The following USB1 variants were observed in gnomAD, a reference collection of about 807,000 sequenced individuals.
USB1 encodes U6 snRNA biogenesis phosphodiesterase 1, also known as U6 snRNA phosphodiesterase 1.
USB1 carries 21 observed loss-of-function variants against 29.9 expected under a neutral mutation model. The ratio of observed to expected loss-of-function variants is 0.70; its 90% CI spans 0.50 to 1.01. USB1 has a LOEUF of 1.01. Ranked by LOEUF, USB1 falls within the 50% of genes least tolerant of loss-of-function variation. USB1 has a pLI of 0.00. For missense variants in USB1, 330 were observed against 347.1 expected (o/e 0.95, Z 0.39); for synonymous variants, 143 against 134.9 (o/e 1.06, Z -0.42).
chr16:58,008,785 C>G (rs1319860092), intron 2 of USB1, among the ~76,000 whole-genome samples: 1 of 152,192 alleles, frequency 6.6e-6, no homozygotes, highest in Admixed American at 6.5e-5. Context: ...GCATTTGATG[C>G]TATAAATATT....
intron 3 of USB1, 48 bp from the exon 4 acceptor site, chr16:58,014,225 G>T: frequency 2.0e-6 from 3 of 1,495,524 alleles, no homozygotes; most frequent in Admixed American, 1.7e-5. Context: ...TATTTTTTCT[G>T]CTTTTTTTCT....
At chr16:58,010,529 G>A (rs1183107213) in intron 3 of USB1, 4 of 280,974 alleles carry the variant, frequency 1.4e-5, no homozygotes, top group Admixed American at 9.9e-5. Flanking sequence ...CCACAAGACT[G>A]CGCTCCTTGT....
In USB1 at chr16:58,013,752, T is replaced by C. The variant is rs765447118; in HGVS notation, c.450-521T>C. 24 of 394,326 alleles carry C rather than the reference T, an allele frequency of 6.1e-5. No individual in the cohort carries two copies. The highest frequency in any genetic ancestry group is 8.4e-5 in the Non-Finnish European group (24 of 287,082). The allele number at this position is 394,326 out of a possible 1,614,324, so 24.4% of individuals were successfully genotyped here. A position where few individuals can be genotyped will look rare whatever the true frequency, so the allele number is the denominator to read the frequency against. On this transcript the variant is annotated intron_variant, in intron 3 of 6. Transcript: ENST00000219281. This position sits in a 1 kb window ranked among gnomAD's most constrained non-coding sequence, Gnocchi z 4.3. ...CAAATTCAGCTTCACCATGCCTCTGTTTCTTTGTCTGTAAAATGGGCATAA... is the reference window on the plus strand; with the variant it reads ...CAAATTCAGCTTCACCATGCCTCTGCTTCTTTGTCTGTAAAATGGGCATAA...
At position 58,010,127 on chromosome 16, in the gene USB1, C is replaced by T. The variant is rs199948448; in HGVS notation, c.449+15C>T. 17 of 1,613,752 alleles carry T rather than the reference C, an allele frequency of 1.1e-5. No individual in the cohort carries two copies. Among genetic ancestry groups the T allele is most frequent in the Admixed American group, 1.7e-5 (1 of 59,986 alleles). Reference sequence around the variant, plus strand: ...TCCTTCCACAGGTGAGTGCTTCTTCCCTCTGCCTCTCCACTCCCTCCCCTC... The same window carrying T: ...TCCTTCCACAGGTGAGTGCTTCTTCTCTCTGCCTCTCCACTCCCTCCCCTC... On this transcript the variant is annotated intron_variant, in intron 3 of 6. Transcript: ENST00000219281.
chr16:58,017,508 C>G (rs1963644643), intron 5 of USB1, 69 bp downstream of exon 5: 3 of 1,455,910 alleles, frequency 2.1e-6, no homozygotes, highest in African/African-American at 2.8e-5. Flanking sequence ...TTTAAAGAAG[C>G]CCTCGTAAGA....
At chr16:58,019,826 G>A (rs4784883) in intron 6 of USB1, among the ~76,000 whole-genome samples, 54 of 152,188 alleles carry the variant, frequency 3.5e-4, no homozygotes, top group Non-Finnish European at 2.4e-4. Flanking sequence ...GCCACCTTGC[G>A]CTTGGCCTGA....
chr16:58,002,668 G>T, intron 2 of USB1, 23 bp downstream of exon 2: 1 of 1,613,498 alleles, frequency 6.2e-7, no homozygotes, highest in Non-Finnish European at 8.5e-7. Context: ...TGAAAGGCAA[G>T]TTGCCAAGAC....
intron 3 of USB1, chr16:58,012,845 C>T: frequency 1.0e-6 from 1 of 990,056 alleles, no homozygotes; most frequent in African/African-American, 1.7e-5. Context: ...CCCCTGCATA[C>T]AGTGGTTCCT....
chr16:58,010,965 G>C, intron 3 of USB1: 1 of 700,692 alleles, frequency 1.4e-6, no homozygotes, highest in East Asian at 2.7e-5. Flanking sequence ...AGGGTAGGGG[G>C]TGGGGCTGAA....
intron 6 of USB1, 83 bp downstream of exon 6, chr16:58,019,138 C>A: frequency 2.2e-6 from 3 of 1,387,400 alleles, no homozygotes; most frequent in Non-Finnish European, 3.0e-6. Flanking sequence ...GGATGAGGCA[C>A]CCAAACCTGA....
At chr16:57,999,728 G>A (rs1488730073), upstream of USB1, 1 of 152,516 alleles carries the variant, frequency 6.6e-6, no homozygotes, top group South Asian at 2.1e-4. Flanking sequence ...TCTTCCGGAA[G>A]GGAGGGAGGA....
chr16:58,010,144 C>T, intron 3 of USB1, 32 bp downstream of exon 3: 3 of 1,613,210 alleles, frequency 1.9e-6, no homozygotes, highest in Non-Finnish European at 2.5e-6. Context: ...CTCTCCACTC[C>T]CTCCCCTCCA....
intron 4 of USB1, 66 bp from the exon 5 acceptor site, chr16:58,017,268 C>A: frequency 6.8e-7 from 1 of 1,466,388 alleles, no homozygotes; most frequent in Non-Finnish European, 9.5e-7. Context: ...GGCTCCTGCT[C>A]GGCTGCGCAG....
chr16:58,007,353 G>GTT (rs1963384599), intron 2 of USB1, among the ~76,000 whole-genome samples: 1 of 152,074 alleles, frequency 6.6e-6, no homozygotes, highest in African/African-American at 2.4e-5. Context: ...GGTGCCTTCT[G>GTT]TTTTGGAAGG....
chr16:58,018,381 G>A (rs1448168225), intron 5 of USB1, among the ~76,000 whole-genome samples: 3 of 151,958 alleles, frequency 2.0e-5, no homozygotes, highest in Middle Eastern at 3.2e-3. Flanking sequence ...ACAACACCAC[G>A]CCCAGCTAAT....
At chr16:58,004,607 C>T (rs1205687387) in intron 2 of USB1, among the ~76,000 whole-genome samples, 1 of 152,164 alleles carries the variant, frequency 6.6e-6, no homozygotes, top group Non-Finnish European at 1.5e-5. Context: ...TCTCCATGTA[C>T]ACCTTAGAAT....
At chr16:58,000,669 G>T (rs1473378478), upstream of USB1, among the ~76,000 whole-genome samples, 19 of 148,978 alleles carry the variant, frequency 1.3e-4, no homozygotes, top group South Asian at 1.0e-3. This position sits in a 1 kb window ranked among gnomAD's most constrained non-coding sequence, Gnocchi z 4.5. Context: ...TTGCGGAGAC[G>T]GGCGGACGGG....
chr16:58,001,272 T>C, upstream of USB1: 1 of 638,732 alleles, frequency 1.6e-6, no homozygotes, highest in Non-Finnish European at 2.8e-6. Context: ...AGGCTGCAGG[T>C]GACCAGATCC....
At chr16:58,014,413 A>AT in intron 4 of USB1, 87 bp downstream of exon 4, 2 of 1,243,432 alleles carry the variant, frequency 1.6e-6, no homozygotes, top group Non-Finnish European at 1.2e-6. Context: ...TGTTTGTCCC[A>AT]TTTTTTGTTT....
Sources: allele counts gnomAD v4.1 joint callset (sites outside exome capture counted in the v4.1 genomes callset), GRCh38; gene constraint gnomAD v4.1.1; non-coding constraint Gnocchi (gnomAD v3.1); transcripts MANE v1.5; gene names NCBI Gene and HGNC (gene_info 2026-07-23, HGNC 2026-07-21).